The following CASP4 variants were observed in gnomAD, a reference collection of about 807,000 sequenced individuals.
CASP4 encodes caspase 4.
In CASP4, 29 loss-of-function variants were observed where a neutral mutation model predicts 41.3. That is an observed-to-expected ratio of 0.70 (90% CI 0.52 to 0.96). The LOEUF is 0.96. Among genes scored for constraint, CASP4 ranks in the 40% least tolerant of loss-of-function variants. CASP4 has a pLI of 0.00. For synonymous variants in CASP4, 185 were observed against 158.4 expected, an observed-to-expected ratio of 1.17 and a Z score of -1.26; for missense variants, 447 against 460.6, an observed-to-expected ratio of 0.97 and a Z score of 0.27.
At chr11:104,965,528 A>G (rs929150598) in intron 1 of CASP4, among the ~76,000 whole-genome samples, 2 of 152,246 alleles carry the variant, frequency 1.3e-5, no homozygotes, top group Non-Finnish European at 2.9e-5. Context: ...GGTAATTACG[A>G]CAGTGAAAGA....
At chr11:104,960,877 C>T (rs1860843407) in intron 1 of CASP4, among the ~76,000 whole-genome samples, 1 of 152,162 alleles carries the variant, frequency 6.6e-6, no homozygotes, top group South Asian at 2.1e-4. Context: ...ACTACATCTG[C>T]ACTATTTTTG....
intron 8 of CASP4, chr11:104,944,344 GTCTC>G (rs71037288): frequency 6.6e-4 from 94 of 142,088 alleles, no homozygotes; most frequent in South Asian, 2.6e-3. Context: ...GCTACTTAGT[GTCTC>G]TCTCTCTCTC....
chr11:104,947,363 A>G lies in CASP4; in HGVS notation c.926-171T>C, dbSNP rs889427729. On this transcript the variant is annotated intron_variant, in intron 6 of 8. Coordinates refer to ENST00000444739, the MANE Select transcript of CASP4 (RefSeq NM_001225.4). Reference sequence around the variant, plus strand: ...TTTACCTACTTTCCACAGAACGTAAACAGAAAACCTAGCAAAAGGTGATCA... The same window carrying G: ...TTTACCTACTTTCCACAGAACGTAAGCAGAAAACCTAGCAAAAGGTGATCA... 10 of 414,118 alleles carry G rather than the reference A, an allele frequency of 2.4e-5. No homozygotes were observed. The Admixed American group carries it at 2.9e-4, about 12-fold the overall frequency. The allele number at this position is 414,118 out of a possible 1,614,324, so 25.7% of individuals were successfully genotyped here. A position where few individuals can be genotyped will look rare whatever the true frequency, so the allele number is the denominator to read the frequency against.
At chr11:104,967,438 CAT>C (rs1860998636) in intron 1 of CASP4, among the ~76,000 whole-genome samples, 1 of 152,070 alleles carries the variant, frequency 6.6e-6, no homozygotes, top group African/African-American at 2.4e-5. Flanking sequence ...ACTGGATACA[CAT>C]GTTTCAAAAG....
chr11:104,964,617 C>T (rs547790861), intron 1 of CASP4, among the ~76,000 whole-genome samples: 5 of 152,290 alleles, frequency 3.3e-5, no homozygotes, highest in African/African-American at 7.2e-5. Flanking sequence ...CTTAAAGAAT[C>T]GAAGTTGACT....
intron 8 of CASP4, chr11:104,943,249 G>A (rs527264635): frequency 3.1e-5 from 8 of 259,750 alleles, no homozygotes; most frequent in South Asian, 1.3e-4. Context: ...AGAACCACGC[G>A]ATCTGGCTTC....
rs544047411 is a variant in CASP4 at position 104,948,389 on chromosome 11, G to A, written c.925+144C>T. On this transcript the variant is annotated intron_variant, in intron 6 of 8. Transcript: ENST00000444739. Reference sequence around the variant, plus strand: ...GGTTGCTTTAGGAATCTGTTCTCACGGCACACATAAGATCATGTAAAATAT... The same window carrying A: ...GGTTGCTTTAGGAATCTGTTCTCACAGCACACATAAGATCATGTAAAATAT... 354 of 748,786 alleles carry A rather than the reference G, an allele frequency of 4.7e-4. 2 individuals carry two copies. The South Asian group carries it at 6.8e-3, about 14-fold the overall frequency. 46.4% of individuals were successfully genotyped at this position (748,786 alleles called of 1,614,324 possible).
chr11:104,964,587 G>T (rs1160034255), intron 1 of CASP4, among the ~76,000 whole-genome samples: 1 of 152,140 alleles, frequency 6.6e-6, no homozygotes, highest in Admixed American at 6.5e-5. Flanking sequence ...CCAAGGCTTT[G>T]ACTGGAATGG....
chr11:104,955,006 T>A lies in CASP4; in HGVS notation c.8-5A>T. ...GCTTTTTTCTGTGGTTGCCTTCTGT[T>A]AGAAATAGAAAGATTCCTTTAACTA... is the stretch of plus-strand genomic sequence containing the variant. On this transcript the variant is annotated splice_region_variant and splice_polypyrimidine_tract_variant and intron_variant, in intron 1 of 8. Coordinates refer to ENST00000444739, the MANE Select transcript of CASP4 (RefSeq NM_001225.4). 1 of 1,606,900 alleles carries A rather than the reference T, an allele frequency of 6.2e-7. No homozygotes were observed. The highest frequency in any genetic ancestry group is 8.5e-7 in the Non-Finnish European group (1 of 1,177,274).
chr11:104,949,442 A>G (rs920568281), intron 5 of CASP4, 101 bp downstream of exon 5: 1 of 1,226,176 alleles, frequency 8.2e-7, no homozygotes, highest in Non-Finnish European at 1.2e-6. Flanking sequence ...CTTTATTTAC[A>G]CTGGATGAGG....
chr11:104,968,432 A>AT (rs1019226203), intron 1 of CASP4, 87 bp downstream of exon 1: 92 of 1,224,190 alleles, frequency 7.5e-5, no homozygotes, highest in Non-Finnish European at 9.5e-5. Flanking sequence ...CTATCGGCTC[A>AT]CTTCCTTTCT....
intron 1 of CASP4, among the ~76,000 whole-genome samples, chr11:104,958,079 T>TG (rs1860775177): frequency 6.6e-6 from 1 of 152,102 alleles, no homozygotes; most frequent in Non-Finnish European, 1.5e-5. Flanking sequence ...TTGGGAAAAT[T>TG]GTAAAACCAC....
chr11:104,951,041 T>A lies in CASP4; in HGVS notation c.430A>T (p.Thr144Ser). 1 of 1,613,514 alleles carries A rather than the reference T, an allele frequency of 6.2e-7. No individual in the cohort carries two copies. Among genetic ancestry groups the A allele is most frequent in the Non-Finnish European group, 8.5e-7 (1 of 1,179,582 alleles). The stretch of plus-strand genomic sequence containing the variant: ...CTCGGAGGCAGATGGTCAAACTCTG[T>A]ATTGCATATGATGAGAGCCAGGCGT... ...RTRLALIICN[T>S]EFDHLPPRNG... Residue 144 changes from threonine (T) to serine (S), a missense_variant, in exon 4 of 9, where the codon ACA (threonine) becomes TCA (serine). Transcript: ENST00000444739.
chr11:104,964,617 CG>C (rs1191533647), intron 1 of CASP4, among the ~76,000 whole-genome samples: 22 of 152,290 alleles, frequency 1.4e-4, no homozygotes, highest in African/African-American at 5.1e-4. Context: ...CTTAAAGAAT[CG>C]AAGTTGACTT....
intron 1 of CASP4, among the ~76,000 whole-genome samples, chr11:104,963,583 C>T (rs1447482449): frequency 2.0e-5 from 3 of 152,112 alleles, no homozygotes; most frequent in Admixed American, 6.5e-5. Flanking sequence ...TAAGGGATGG[C>T]TAATAGTATT....
chr11:104,967,229 T>C lies in CASP4; in HGVS notation c.7+1290A>G, dbSNP rs528691537. 2.6e-5 allele frequency among the ~76,000 whole-genome samples: 4 copies of C among 152,254 alleles called. No individual in the cohort carries two copies. In the East Asian group the frequency reaches 7.8e-4, roughly 30 times the overall value. On this transcript the variant is annotated intron_variant, in intron 1 of 8. Transcript: ENST00000444739. The stretch of plus-strand genomic sequence containing the variant: ...CTTGTTTTTGACTAGTGGCTTTCAA[T>C]TTACCCTATCTTTATCTAATGATCC...
At chr11:104,943,850 A>C (rs1408871655) in intron 8 of CASP4, 1 of 152,216 alleles carries the variant, frequency 6.6e-6, no homozygotes, top group African/African-American at 2.4e-5. Context: ...AGTAAAAATT[A>C]TGTGGTAAAT....
intron 1 of CASP4, among the ~76,000 whole-genome samples, chr11:104,967,229 T>G (rs528691537): frequency 2.0e-5 from 3 of 152,136 alleles, no homozygotes; most frequent in African/African-American, 7.2e-5. Context: ...TGGCTTTCAA[T>G]TTACCCTATC....
intron 1 of CASP4, among the ~76,000 whole-genome samples, chr11:104,966,278 A>T (rs1396215662): frequency 1.3e-5 from 2 of 151,972 alleles, no homozygotes; most frequent in African/African-American, 4.8e-5. Flanking sequence ...TGCATGTTGG[A>T]TATTTCAACA....
Sources: gnomAD v4.1 joint callset for allele counts (sites outside exome capture counted in the v4.1 genomes callset) on GRCh38, gnomAD v4.1.1 for gene constraint, MANE v1.5 for transcripts, NCBI Gene and HGNC (gene_info 2026-07-23, HGNC 2026-07-21) for gene names.